The following NETO2 variants were observed in gnomAD, a reference collection of about 807,000 sequenced individuals.
The protein encoded by NETO2 is neuropilin and tolloid-like protein 2.
NETO2 carries 28 observed loss-of-function variants against 62.5 expected under a neutral mutation model. The observed-to-expected ratio is 0.45, with a 90% CI of 0.33 to 0.61. The LOEUF (loss-of-function observed/expected upper bound fraction) is 0.61. NETO2 is among the 20% of genes least tolerant of loss of function. The pLI, the probability that NETO2 is intolerant of heterozygous loss-of-function variation, is 0.02. For missense variants in NETO2, 548 were observed against 643.2 expected, an observed-to-expected ratio of 0.85 and a Z score of 1.60; for synonymous variants, 214 against 219.1, an observed-to-expected ratio of 0.98 and a Z score of 0.21.
At chr16:47,135,956 T>C (rs1964355307) in intron 1 of NETO2, among the ~76,000 whole-genome samples, 1 of 151,986 alleles carries the variant, frequency 6.6e-6, no homozygotes, top group African/African-American at 2.4e-5. Context: ...AAATAAACAA[T>C]AAATATACTG....
At chr16:47,099,736 G>T (rs1311255242) in intron 7 of NETO2, among the ~76,000 whole-genome samples, 1 of 152,054 alleles carries the variant, frequency 6.6e-6, no homozygotes, top group Non-Finnish European at 1.5e-5. Context: ...AATGGTAAAG[G>T]GATCAACGCA....
At position 47,083,496 on chromosome 16, in the gene NETO2, T is replaced by A; in HGVS notation, c.1303A>T (p.Ile435Phe). 1.2e-6 allele frequency: 2 copies of A among 1,614,250 alleles called. No individual in the cohort carries two copies. Among genetic ancestry groups the A allele is most frequent in the African/African-American group, 1.3e-5 (1 of 75,064 alleles). Residue 435 changes from isoleucine to phenylalanine, a missense_variant, in exon 9 of 9, where the codon ATC (isoleucine) becomes TTC (phenylalanine). By Grantham distance (21) the Ile-to-Phe change is conservative. Transcript: ENST00000562435. ...MRRSSTASRC[I>F]HDHHCGSQAS... is the part of the protein sequence containing the mutation. ...TGCGACCCACAGTGGTGGTCGTGGA[T>A]GCAGCGGGAGGCGGTGGAGGAGCGC...
chr16:47,098,635 C>G (rs1266918150), intron 7 of NETO2, among the ~76,000 whole-genome samples: 3 of 152,318 alleles, frequency 2.0e-5, no homozygotes, highest in South Asian at 4.1e-4. Flanking sequence ...CTTCCCCAAC[C>G]TAGCAAGACA....
At position 47,123,091 on chromosome 16, in the gene NETO2, G is replaced by A. The variant is rs543676158; in HGVS notation, c.482-179C>T. On this transcript the variant is annotated intron_variant, in intron 4 of 8. Transcript: ENST00000562435. ...ACAGGATTGACATTTATTTAATCAC[G>A]TTTATATTTTTGATTCCATAGTGAA... Among the ~76,000 whole-genome samples the A allele has an allele frequency of 3.3e-5, 5 of 152,202 alleles. No homozygotes were observed. The East Asian group carries it at 9.6e-4, about 29-fold the overall frequency.
In NETO2 at chr16:47,112,204, C is replaced by G. The variant is rs1596724260; in HGVS notation, c.655-2493G>C. 3.9e-5 allele frequency among the ~76,000 whole-genome samples: 6 copies of G among 152,210 alleles called. No individual in the cohort carries two copies. The South Asian group carries it at 1.2e-3, about 32-fold the overall frequency. On this transcript the variant is annotated intron_variant, in intron 6 of 8. Coordinates refer to ENST00000562435, the MANE Select transcript of NETO2 (RefSeq NM_018092.5). ...AAGTGCTGGGACTGCAGGCATGGGC[C>G]ACCGTGACTGGCTTCTTTTTATATT...
chr16:47,129,675 T>C (rs931500464), intron 2 of NETO2, among the ~76,000 whole-genome samples: 2 of 152,118 alleles, frequency 1.3e-5, no homozygotes, highest in African/African-American at 2.4e-5. Flanking sequence ...AGTTCTAACC[T>C]AAAAATAAAG....
intron 1 of NETO2, among the ~76,000 whole-genome samples, chr16:47,139,964 A>G (rs1047499802): frequency 1.3e-5 from 2 of 152,352 alleles, no homozygotes; most frequent in East Asian, 3.8e-4. Flanking sequence ...CTAGTGCTGT[A>G]ATTTCCAATG....
chr16:47,113,975 T>C (rs936093005), intron 6 of NETO2, among the ~76,000 whole-genome samples: 3 of 152,200 alleles, frequency 2.0e-5, no homozygotes, highest in Non-Finnish European at 2.9e-5. Flanking sequence ...CATTTACTTA[T>C]AGGTTTTTTT....
Position 47,122,853 on chromosome 16 carries a change from G to T in NETO2, c.526+15C>A, listed in dbSNP as rs1408836562. On this transcript the variant is annotated intron_variant, in intron 5 of 8. Coordinates refer to ENST00000562435, the MANE Select transcript of NETO2 (RefSeq NM_018092.5). ...ATCAAAAATGCCAAGAGGAACAAGT[G>T]GTAATATACTAAACCTGGAATGGGA... 6.2e-7 allele frequency: 1 copy of T among 1,613,836 alleles called. No individual in the cohort carries two copies. The highest frequency in any genetic ancestry group is 1.1e-5 in the South Asian group (1 of 91,052).
chr16:47,129,431 C>T, intron 2 of NETO2, 67 bp from the exon 3 acceptor site: 2 of 1,533,248 alleles, frequency 1.3e-6, no homozygotes, highest in East Asian at 4.5e-5. Context: ...CTTTCCCCCA[C>T]CACTTTCCAA....
intron 7 of NETO2, among the ~76,000 whole-genome samples, chr16:47,102,156 C>A (rs1481621945): frequency 6.6e-6 from 1 of 152,154 alleles, no homozygotes; most frequent in African/African-American, 2.4e-5. Flanking sequence ...TGATCTTTGA[C>A]AAATCTGACG....
rs760921097 is a variant in NETO2, at chr16:47,083,481, AGTG to A, written c.1315_1317del (p.His439del). ...TTGACGCTGGAGGCCTGCGACCCAC[AGTG>A]GTGGTCGTGGATGCAGCGGGAGGCG... is the stretch of plus-strand genomic sequence containing the variant. On this transcript the variant is annotated inframe_deletion, in exon 9 of 9. Transcript: ENST00000562435. 6.2e-7 allele frequency: 1 copy of A among 1,614,218 alleles called. No homozygotes were observed.
At chr16:47,119,458 G>T (rs1963994134) in intron 6 of NETO2, among the ~76,000 whole-genome samples, 1 of 151,724 alleles carries the variant, frequency 6.6e-6, no homozygotes, top group African/African-American at 2.4e-5. Flanking sequence ...GCCTATTTAT[G>T]TCTTTTTTTT....
chr16:47,107,626 G>C (rs1299736709), intron 7 of NETO2, among the ~76,000 whole-genome samples: 1 of 152,166 alleles, frequency 6.6e-6, no homozygotes. Flanking sequence ...AACACTAGTT[G>C]AGCCTGGTTC....
In NETO2 at chr16:47,093,068, C is replaced by T. The variant is rs115968371; in HGVS notation, c.884-6729G>A. Among the ~76,000 whole-genome samples, 1,079 of 152,292 alleles carry T rather than the reference C, an allele frequency of 7.1e-3. 14 individuals are homozygous for T. The highest frequency in any genetic ancestry group is 0.025 in the African/African-American group (1,034 of 41,556). ...AGTAAACTCTTAACTCATATCCATG[C>T]CCCAGCTAAGGCACAGCGCTAAAGA... On this transcript the variant is annotated intron_variant, in intron 7 of 8. Transcript: ENST00000562435.
At chr16:47,130,971 C>G (rs1428015366) in intron 2 of NETO2, among the ~76,000 whole-genome samples, 1 of 149,226 alleles carries the variant, frequency 6.7e-6, no homozygotes. Context: ...AACAGAAGAG[C>G]CAGAAACAAA....
At chr16:47,084,975 G>C (rs574161127) in intron 8 of NETO2, among the ~76,000 whole-genome samples, 1 of 152,156 alleles carries the variant, frequency 6.6e-6, no homozygotes, top group East Asian at 1.9e-4. Context: ...CCCCACCCCT[G>C]TTCTGTGAAA....
intron 4 of NETO2, 108 bp from the exon 5 acceptor site, chr16:47,123,020 T>A: frequency 9.6e-7 from 1 of 1,046,210 alleles, no homozygotes; most frequent in Admixed American, 2.2e-5. Flanking sequence ...AAGAGAAGCT[T>A]TCATTGGTGA....
At chr16:47,137,688 A>AT (rs2151495144) in intron 1 of NETO2, among the ~76,000 whole-genome samples, 1 of 152,320 alleles carries the variant, frequency 6.6e-6, no homozygotes, top group South Asian at 2.1e-4. Context: ...CCCTTTCCAG[A>AT]TTAATTTTAC....
Sources: gnomAD v4.1 joint callset for allele counts (sites outside exome capture counted in the v4.1 genomes callset) on GRCh38, gnomAD v4.1.1 for gene constraint, MANE v1.5 for transcripts, NCBI Gene and HGNC (gene_info 2026-07-23, HGNC 2026-07-21) for gene names.